The following CSMD1 variants were observed in gnomAD, a reference collection of about 807,000 sequenced individuals.
CSMD1 encodes the protein CUB and sushi domain-containing protein 1.
CSMD1 carries 213 observed loss-of-function variants against 417.5 expected under a neutral mutation model. The observed-to-expected ratio is 0.51, with a 90% CI of 0.46 to 0.57. The LOEUF is 0.57. CSMD1 is among the 20% of genes least tolerant of loss of function. The pLI, the probability that CSMD1 is intolerant of heterozygous loss-of-function variation, is 0.00. For synonymous variants in CSMD1, 2,862 were observed against 1,736.8 expected, an observed-to-expected ratio of 1.65 and a Z score of -16.11; for missense variants, 6,923 against 4,529.7, an observed-to-expected ratio of 1.53 and a Z score of -15.17.
chr8:3,185,735 T>C (rs1821710167), intron 36 of CSMD1, among the ~76,000 whole-genome samples: 1 of 152,218 alleles, frequency 6.6e-6, no homozygotes, highest in African/African-American at 2.4e-5. Flanking sequence ...ACACATACTT[T>C]CTAAGCAGGT....
At chr8:3,916,895 G>C (rs527803616) in intron 5 of CSMD1, among the ~76,000 whole-genome samples, 27 of 140,546 alleles carry the variant, frequency 1.9e-4, no homozygotes, top group African/African-American at 6.2e-4. Flanking sequence ...TCATGAAACA[G>C]AATGAGACAT....
chr8:4,209,299 G>A (rs975063223), intron 3 of CSMD1, among the ~76,000 whole-genome samples: 2 of 152,140 alleles, frequency 1.3e-5, no homozygotes, highest in Non-Finnish European at 2.9e-5. Flanking sequence ...TTGCTCTTCA[G>A]TGGTTCCCAT....
At chr8:3,248,650 T>A (rs926265180) in intron 26 of CSMD1, among the ~76,000 whole-genome samples, 10 of 150,740 alleles carry the variant, frequency 6.6e-5, no homozygotes, top group African/African-American at 2.4e-4. Flanking sequence ...CTCTTTTTAC[T>A]CATGTCAGCA....
chr8:4,203,755 G>C (rs1009420121), intron 3 of CSMD1, among the ~76,000 whole-genome samples: 1 of 152,066 alleles, frequency 6.6e-6, no homozygotes, highest in Admixed American at 6.5e-5. Flanking sequence ...TATACATATA[G>C]ACATTTGCAT....
chr8:4,294,000 A>G (rs886678944), intron 3 of CSMD1, among the ~76,000 whole-genome samples: 21 of 152,176 alleles, frequency 1.4e-4, no homozygotes, highest in Admixed American at 7.9e-4. Flanking sequence ...AGTGTGTATA[A>G]AAAGTTTTAG....
At chr8:3,268,332 TGTCACCCA>T (rs1801589273) in intron 26 of CSMD1, among the ~76,000 whole-genome samples, 1 of 139,140 alleles carries the variant, frequency 7.2e-6, no homozygotes, top group African/African-American at 2.7e-5. Flanking sequence ...AGTTTTGCTC[TGTCACCCA>T]GGCTGGAGCG....
intron 3 of CSMD1, among the ~76,000 whole-genome samples, chr8:4,414,295 G>A (rs959435565): frequency 2.0e-5 from 3 of 152,166 alleles, no homozygotes; most frequent in African/African-American, 7.2e-5. Flanking sequence ...GTAAGAGGAA[G>A]CCCCGCCCAT....
intron 3 of CSMD1, among the ~76,000 whole-genome samples, chr8:4,091,075 T>A (rs1161391509): frequency 6.6e-6 from 1 of 151,856 alleles, no homozygotes; most frequent in Admixed American, 6.6e-5. Flanking sequence ...CCCACCACAA[T>A]GCCCAGCTAA....
intron 3 of CSMD1, among the ~76,000 whole-genome samples, chr8:4,388,442 G>C (rs1470736497): frequency 6.6e-6 from 1 of 151,442 alleles, no homozygotes; most frequent in Non-Finnish European, 1.5e-5. Flanking sequence ...TCTAAGTGAA[G>C]TAACTCAGGA....
chr8:3,615,252 C>G (rs902873192), intron 8 of CSMD1, among the ~76,000 whole-genome samples: 1 of 152,168 alleles, frequency 6.6e-6, no homozygotes, highest in East Asian at 1.9e-4. Flanking sequence ...AAAGTGGGTA[C>G]AAAAGGTGAG....
At chr8:4,632,720 G>C (rs1374635454) in intron 2 of CSMD1, among the ~76,000 whole-genome samples, 1 of 152,216 alleles carries the variant, frequency 6.6e-6, no homozygotes, top group Admixed American at 6.5e-5. Flanking sequence ...TAGGTGGCCA[G>C]TGTTACAGGA....
intron 46 of CSMD1, among the ~76,000 whole-genome samples, chr8:3,103,003 C>T (rs1336133820): frequency 2.0e-5 from 3 of 152,086 alleles, no homozygotes; most frequent in African/African-American, 4.8e-5. Context: ...TGTGATTTAG[C>T]GGGAGACAAA....
At chr8:3,634,350 G>A (rs527462009) in intron 7 of CSMD1, among the ~76,000 whole-genome samples, 23 of 152,262 alleles carry the variant, frequency 1.5e-4, no homozygotes, top group East Asian at 7.7e-4. Context: ...GACACTCTGT[G>A]ACAAACTCCA....
chr8:3,820,560 T>C (rs1279949222), intron 5 of CSMD1, among the ~76,000 whole-genome samples: 1 of 152,076 alleles, frequency 6.6e-6, no homozygotes, highest in Non-Finnish European at 1.5e-5. Flanking sequence ...TTGTCGTTGT[T>C]GTGTTTTTGT....
chr8:3,086,179 AG>A (rs1379299361), intron 49 of CSMD1, among the ~76,000 whole-genome samples: 1 of 151,280 alleles, frequency 6.6e-6, no homozygotes, highest in Non-Finnish European at 1.5e-5. Context: ...TAAAAGAAAA[AG>A]TATTCTTGTA....
rs537197509 is a variant in CSMD1, at chr8:3,926,599, T to A, written c.818+71304A>T. Among the ~76,000 whole-genome samples the A allele has an allele frequency of 5.3e-5, 8 of 152,060 alleles. No individual in the cohort carries two copies. In the East Asian group the frequency reaches 1.5e-3, roughly 29 times the overall value. On this transcript the variant is annotated intron_variant, in intron 5 of 69. Transcript: ENST00000635120. ...TAACATTTATTTCTGGTTAATTTTA[T>A]CAGTTGTTTAAAATATGATTTTATG...
intron 1 of CSMD1, among the ~76,000 whole-genome samples, chr8:4,699,993 G>C (rs1324659894): frequency 6.6e-6 from 1 of 152,140 alleles, no homozygotes; most frequent in Non-Finnish European, 1.5e-5. Context: ...ATAATACATG[G>C]CTTCAATTTC....
intron 13 of CSMD1, 100 bp downstream of exon 13, chr8:3,409,323 G>C: frequency 8.8e-7 from 1 of 1,131,334 alleles, no homozygotes; most frequent in Non-Finnish European, 1.2e-6. Context: ...CATTCTGAAA[G>C]CTGCCCTCCC....
At chr8:3,888,575 G>C (rs1368458340) in intron 5 of CSMD1, among the ~76,000 whole-genome samples, 2 of 152,148 alleles carry the variant, frequency 1.3e-5, no homozygotes, top group African/African-American at 4.8e-5. Context: ...GGAGAAAGCT[G>C]AGCTAATAAT....
Sources: gnomAD v4.1 joint callset for allele counts (sites outside exome capture counted in the v4.1 genomes callset) on GRCh38, gnomAD v4.1.1 for gene constraint, MANE v1.5 for transcripts, NCBI Gene and HGNC (gene_info 2026-07-23, HGNC 2026-07-21) for gene names.